LPP: variants seen among roughly 807,000 people sequenced by gnomAD.
LPP encodes the protein lipoma-preferred partner.
Under a neutral mutation model 60.4 loss-of-function variants are expected in LPP, and 38 were observed. The ratio of observed to expected loss-of-function variants is 0.63; its 90% CI spans 0.49 to 0.83. LPP has a LOEUF of 0.83. LPP is among the 40% of genes least tolerant of loss of function. The pLI is 0.00. For missense variants in LPP, 902 were observed against 783.6 expected (o/e 1.15, Z -1.80); for synonymous variants, 328 against 290.8 (o/e 1.13, Z -1.30).
chr3:188,320,461 A>C (rs1756600229), intron 2 of LPP, among the ~76,000 whole-genome samples: 2 of 152,192 alleles, frequency 1.3e-5, no homozygotes, highest in Admixed American at 1.3e-4. Flanking sequence ...CCAGTAAACA[A>C]CCCAGGCATT....
At chr3:188,655,655 T>G (rs1853023760) in intron 7 of LPP, among the ~76,000 whole-genome samples, 1 of 152,184 alleles carries the variant, frequency 6.6e-6, no homozygotes, top group Non-Finnish European at 1.5e-5. Flanking sequence ...TGAAGGTTGT[T>G]TCCAACCTTA....
At position 188,876,079 on chromosome 3, in the gene LPP, C is replaced by G. The variant is rs1316539699; in HGVS notation, c.*1600C>G. 5.3e-6 allele frequency: 1 copy of G among 189,960 alleles called. No homozygotes were observed. The highest frequency in any genetic ancestry group is 1.1e-5 in the Non-Finnish European group (1 of 90,284). 11.8% of individuals were successfully genotyped at this position (189,960 alleles called of 1,614,324 possible). A position where few individuals can be genotyped will look rare whatever the true frequency, so the allele number is the denominator to read the frequency against. Reference sequence around the variant, plus strand: ...AATTACATCCTCCAATGTACCGTTTCCTTATTCCACAGATATCTTTTTCAT... The same window carrying G: ...AATTACATCCTCCAATGTACCGTTTGCTTATTCCACAGATATCTTTTTCAT... On this transcript the variant is annotated 3_prime_UTR_variant, in exon 12 of 12. Transcript: ENST00000617246.
rs1177987893 is a variant in LPP at position 188,785,547 on chromosome 3, T to TACAC, written c.1410+25289_1410+25292dup. 4.8e-4 allele frequency among the ~76,000 whole-genome samples: 21 copies of TACAC among 43,846 alleles called. 5 individuals carry two copies. Among genetic ancestry groups the TACAC allele is most frequent in the African/African-American group, 1.7e-3 (18 of 10,630 alleles). The allele number at this position is 43,846 out of a possible 152,430, so 28.8% of individuals were successfully genotyped here. ...ATATATATTCCATCATATATATATA[T>TACAC]ACACACACACACACACACACACACA... is the stretch of plus-strand genomic sequence containing the variant. On this transcript the variant is annotated intron_variant, in intron 9 of 11. Transcript: ENST00000617246.
At chr3:188,198,421 G>C (rs1034281992) in intron 1 of LPP, among the ~76,000 whole-genome samples, 1 of 152,240 alleles carries the variant, frequency 6.6e-6, no homozygotes, top group Non-Finnish European at 1.5e-5. Context: ...CATAGCTGTT[G>C]TGCTGTTCTG....
chr3:188,509,935 T>G (rs1034297562), intron 5 of LPP, among the ~76,000 whole-genome samples: 1 of 139,844 alleles, frequency 7.2e-6, no homozygotes, highest in Non-Finnish European at 1.5e-5. Context: ...GCCAGGCTGG[T>G]CTCAAACTTC....
At chr3:188,154,095 G>A (rs989180284), upstream of LPP, 1 of 162,316 alleles carries the variant, frequency 6.2e-6, no homozygotes, top group African/African-American at 2.4e-5. Flanking sequence ...GAGGAGGCCA[G>A]TGTGGGGCGC....
chr3:188,789,394 C>A (rs1742976019), intron 9 of LPP, among the ~76,000 whole-genome samples: 1 of 152,204 alleles, frequency 6.6e-6, no homozygotes, highest in African/African-American at 2.4e-5. Flanking sequence ...CCTTGAGCAG[C>A]TGACTAAGCC....
At chr3:188,438,794 T>C (rs1247397872) in intron 4 of LPP, among the ~76,000 whole-genome samples, 3 of 152,216 alleles carry the variant, frequency 2.0e-5, no homozygotes, top group Non-Finnish European at 4.4e-5. Flanking sequence ...AGGACACTTA[T>C]TATAGTTGTT....
chr3:188,859,606 G>C (rs1362606123), intron 9 of LPP, among the ~76,000 whole-genome samples: 2 of 152,116 alleles, frequency 1.3e-5, no homozygotes, highest in African/African-American at 4.8e-5. Context: ...CCATTCTTTA[G>C]GCTTTCTGCA....
At chr3:188,268,534 A>T (rs2149765994) in intron 2 of LPP, among the ~76,000 whole-genome samples, 1 of 152,354 alleles carries the variant, frequency 6.6e-6, no homozygotes, top group South Asian at 2.1e-4. Context: ...CCTTATTTGA[A>T]TAGGTTTGAA....
intron 4 of LPP, among the ~76,000 whole-genome samples, chr3:188,408,645 T>C (rs1784228543): frequency 6.6e-6 from 1 of 152,208 alleles, no homozygotes; most frequent in African/African-American, 2.4e-5. Flanking sequence ...TCTACCACTT[T>C]TGTTATTGCT....
chr3:188,519,500 A>G (rs7641402), intron 5 of LPP, among the ~76,000 whole-genome samples: 117,575 of 152,132 alleles, frequency 0.77, 45,842 homozygotes, highest in East Asian at 0.97. Flanking sequence ...ATTTGGGGTG[A>G]AAATTAACAG....
chr3:188,609,541 C>T lies in LPP; in HGVS notation c.810C>T (p.Gly270=), dbSNP rs747062328. Residue 270 remains glycine (G), a synonymous_variant, in exon 7 of 12, where the codon GGC becomes GGT. Transcript: ENST00000617246. The surrounding 1 kb of genome is among the most constrained non-coding windows in gnomAD (Gnocchi z 6.9). The part of the protein sequence containing the change: ...GQCPPPSTRG[G]MDYAYIPPPG... ...GTCCACCTCCTTCAACACGGGGAGG[C>T]ATGGATTATGCCTACATTCCACCAC... 1.3e-5 allele frequency: 21 copies of T among 1,614,044 alleles called. No homozygotes were observed. The highest frequency in any genetic ancestry group is 2.2e-5 in the East Asian group (1 of 44,874).
chr3:188,615,631 G>A (rs756287915), intron 7 of LPP, among the ~76,000 whole-genome samples: 3 of 152,130 alleles, frequency 2.0e-5, no homozygotes, highest in Non-Finnish European at 4.4e-5. Flanking sequence ...ACTCTGTAGG[G>A]CCCTATTAGT....
At chr3:188,253,909 T>A (rs2149606291) in intron 2 of LPP, among the ~76,000 whole-genome samples, 1 of 152,326 alleles carries the variant, frequency 6.6e-6, no homozygotes, top group Middle Eastern at 3.4e-3. Context: ...GCATGGTAAT[T>A]ACTCTGTGCT....
At chr3:188,243,684 G>A (rs1725819774) in intron 2 of LPP, among the ~76,000 whole-genome samples, 1 of 152,042 alleles carries the variant, frequency 6.6e-6, no homozygotes, top group African/African-American at 2.4e-5. Flanking sequence ...TGGCAGCACT[G>A]AGCAAAAGGT....
rs11448997 is a variant in LPP, at chr3:188,878,759, T to TAAAAAAAAAAAAAAAAAAGAA, written c.*4296_*4297insAAGAAAAAAAAAAAAAAAAAA. ...ATATACTCACCAAAAAGTAAAAAAGTAAAAAAAAAAAAAAAAGAAAGAAAG... is the reference window on the plus strand; with the variant it reads ...ATATACTCACCAAAAAGTAAAAAAGTAAAAAAAAAAAAAAAAAAGAAAAAAAAAAAAAAAAAAGAAAGAAAG... On this transcript the variant is annotated 3_prime_UTR_variant, in exon 12 of 12. Transcript: ENST00000617246. The TAAAAAAAAAAAAAAAAAAGAA allele has an allele frequency of 6.5e-6, 1 of 153,946 alleles. No homozygotes were observed. The highest frequency in any genetic ancestry group is 7.6e-5 in the Admixed American group (1 of 13,094). 9.5% of individuals were successfully genotyped at this position (153,946 alleles called of 1,614,324 possible).
intron 7 of LPP, among the ~76,000 whole-genome samples, chr3:188,654,677 C>T (rs1003098657): frequency 5.3e-5 from 8 of 152,160 alleles, no homozygotes; most frequent in African/African-American, 1.9e-4. Context: ...TGTTGTAAGT[C>T]CATCAATATT....
At chr3:188,194,626 A>G (rs562260971) in intron 1 of LPP, among the ~76,000 whole-genome samples, 2 of 152,360 alleles carry the variant, frequency 1.3e-5, no homozygotes, top group South Asian at 4.1e-4. Flanking sequence ...GAAGGGAAGT[A>G]TAATGATGTT....
Sources: allele counts gnomAD v4.1 joint callset (sites outside exome capture counted in the v4.1 genomes callset), GRCh38; gene constraint gnomAD v4.1.1; non-coding constraint Gnocchi (gnomAD v3.1); transcripts MANE v1.5; gene names NCBI Gene and HGNC (gene_info 2026-07-23, HGNC 2026-07-21).